DPYSL2: variants seen among roughly 807,000 people sequenced by gnomAD.
DPYSL2 encodes the protein dihydropyrimidinase like 2.
Under a neutral mutation model 69.9 loss-of-function variants are expected in DPYSL2, and 13 were observed. The observed-to-expected ratio is 0.19, with a 90% CI of 0.12 to 0.30. DPYSL2 has a LOEUF of 0.30. Among genes scored for constraint, DPYSL2 ranks in the 10% least tolerant of loss-of-function variants. The pLI, the probability that DPYSL2 is intolerant of heterozygous loss-of-function variation, is 1.00. For missense variants in DPYSL2, 587 were observed against 918.9 expected, an observed-to-expected ratio of 0.64 and a Z score of 4.67; for synonymous variants, 326 against 359.1, an observed-to-expected ratio of 0.91 and a Z score of 1.04.
In DPYSL2 at chr8:26,562,300, C is replaced by T. The variant is rs891768448; in HGVS notation, c.355-19669C>T. Among the ~76,000 whole-genome samples, 1 of 152,172 alleles carries T rather than the reference C, an allele frequency of 6.6e-6. No individual in the cohort carries two copies. The highest frequency in any genetic ancestry group is 2.4e-5 in the African/African-American group (1 of 41,444). On this transcript the variant is annotated intron_variant, in intron 1 of 13. Transcript: ENST00000521913. The surrounding 1 kb of genome is among the most constrained non-coding windows in gnomAD (Gnocchi z 4.9). Reference sequence around the variant, plus strand: ...GGATTAAATGTATTATGAGGCTTAACCAGAGTTAATACTTGCAAAGCACTG... The same window carrying T: ...GGATTAAATGTATTATGAGGCTTAATCAGAGTTAATACTTGCAAAGCACTG...
intron 7 of DPYSL2, among the ~76,000 whole-genome samples, chr8:26,630,657 A>G (rs1802750398): frequency 6.6e-6 from 1 of 152,134 alleles, no homozygotes; most frequent in Non-Finnish European, 1.5e-5. Context: ...AGGGAGCACC[A>G]TTTACATTCT....
intron 1 of DPYSL2, among the ~76,000 whole-genome samples, chr8:26,526,256 G>T (rs1458663086): frequency 1.3e-5 from 2 of 151,994 alleles, no homozygotes; most frequent in Non-Finnish European, 1.5e-5. Context: ...CACCATGCCC[G>T]GCTACTTTTT....
intron 7 of DPYSL2, among the ~76,000 whole-genome samples, chr8:26,628,740 G>C (rs1261125420): frequency 6.6e-6 from 1 of 152,178 alleles, no homozygotes; most frequent in African/African-American, 2.4e-5. Flanking sequence ...GACTGGCGCC[G>C]AGCAGTGGGG....
rs1464083269 is a variant in DPYSL2, at chr8:26,593,240, T to G, written c.628+9257T>G. Among the ~76,000 whole-genome samples the G allele has an allele frequency of 1.3e-5, 2 of 152,106 alleles. No individual in the cohort carries two copies. The highest frequency in any genetic ancestry group is 2.9e-5 in the Non-Finnish European group (2 of 68,022). On this transcript the variant is annotated intron_variant, in intron 3 of 13. Coordinates refer to ENST00000521913, the MANE Select transcript of DPYSL2 (RefSeq NM_001197293.3). The surrounding 1 kb of genome is among the most constrained non-coding windows in gnomAD (Gnocchi z 5.7). ...TTTTGCAATGAACTAGGGCAGTGGT[T>G]TAAAAACCTTGACTGCACATTAGAA...
At chr8:26,607,859 C>T (rs1802140563) in intron 3 of DPYSL2, among the ~76,000 whole-genome samples, 1 of 151,888 alleles carries the variant, frequency 6.6e-6, no homozygotes, top group Non-Finnish European at 1.5e-5. Context: ...GTGGGCGGAT[C>T]ACAAGGTCAG....
intron 1 of DPYSL2, among the ~76,000 whole-genome samples, chr8:26,525,300 A>C (rs1808458477): frequency 6.6e-6 from 1 of 152,158 alleles, no homozygotes; most frequent in African/African-American, 2.4e-5. Flanking sequence ...AGTTCACTGC[A>C]GCCTCGACCT....
chr8:26,558,149 A>G (rs1367584546), intron 1 of DPYSL2, among the ~76,000 whole-genome samples: 1 of 152,190 alleles, frequency 6.6e-6, no homozygotes, highest in Non-Finnish European at 1.5e-5. Flanking sequence ...AGAAATGTTT[A>G]TAGCAGCTTT....
At chr8:26,526,655 G>A (rs979885377) in intron 1 of DPYSL2, among the ~76,000 whole-genome samples, 67 of 152,198 alleles carry the variant, frequency 4.4e-4, no homozygotes, top group African/African-American at 1.5e-3. Context: ...GTTTGAAAGC[G>A]ATGCTCTCTA....
Position 26,587,554 on chromosome 8 carries a change from G to A in DPYSL2, c.628+3571G>A, listed in dbSNP as rs1377087962. Among the ~76,000 whole-genome samples, 1 of 152,124 alleles carries A rather than the reference G, an allele frequency of 6.6e-6. No individual in the cohort carries two copies. The highest frequency in any genetic ancestry group is 1.5e-5 in the Non-Finnish European group (1 of 68,034). ...GAGGAAAACACAGCCAAATATTCTC[G>A]GTTTAAAAAAGGAGATGGCATGTCA... On this transcript the variant is annotated intron_variant, in intron 3 of 13. Coordinates refer to ENST00000521913, the MANE Select transcript of DPYSL2 (RefSeq NM_001197293.3). This position sits in a 1 kb window ranked among gnomAD's most constrained non-coding sequence, Gnocchi z 4.2.
rs1801716576 is a variant in DPYSL2 at position 26,591,120 on chromosome 8, C to T, written c.628+7137C>T. ...CTTCCACCCCTTCAGGTGCCCTCAT[C>T]CCAGTTCCTACTCTGCCTATGGGTG... On this transcript the variant is annotated intron_variant, in intron 3 of 13. Coordinates refer to ENST00000521913, the MANE Select transcript of DPYSL2 (RefSeq NM_001197293.3). The surrounding 1 kb of genome is among the most constrained non-coding windows in gnomAD (Gnocchi z 5.8). Among the ~76,000 whole-genome samples the T allele has an allele frequency of 6.6e-6, 1 of 152,198 alleles. No individual in the cohort carries two copies. The highest frequency in any genetic ancestry group is 2.1e-4 in the South Asian group (1 of 4,830).
rs144913352 is a variant in DPYSL2 at position 26,623,856 on chromosome 8, G to A, written c.629-287G>A. 993 of 346,930 alleles carry A rather than the reference G, an allele frequency of 2.9e-3. 5 individuals carry two copies. The highest frequency in any genetic ancestry group is 0.02 in the African/African-American group (933 of 47,124). 21.5% of individuals were successfully genotyped at this position (346,930 alleles called of 1,614,324 possible). A position where few individuals can be genotyped will look rare whatever the true frequency, so the allele number is the denominator to read the frequency against. On this transcript the variant is annotated intron_variant, in intron 3 of 13. Coordinates refer to ENST00000521913, the MANE Select transcript of DPYSL2 (RefSeq NM_001197293.3). ...CATTGTCCATAAGGACTCGTTGTCC[G>A]TGAAATGCACCCAAAGCTTGAGCTT...
Position 26,514,765 on chromosome 8 carries a change from C to T in DPYSL2, c.354+86C>T, listed in dbSNP as rs1194735228. ...CCCCTGAGCCCGGCGCGCCCGCCTT[C>T]ATGCCCCGCCCTGGACCTCGCCTCC... On this transcript the variant is annotated intron_variant, in intron 1 of 13. Transcript: ENST00000521913. This position sits in a 1 kb window ranked among gnomAD's most constrained non-coding sequence, Gnocchi z 8.4. The T allele has an allele frequency of 1.7e-6, 2 of 1,208,512 alleles. No homozygotes were observed. The highest frequency in any genetic ancestry group is 3.2e-5 in the African/African-American group (2 of 62,082). The allele number at this position is 1,208,512 out of a possible 1,614,324, so 74.9% of individuals were successfully genotyped here.
At chr8:26,612,601 C>T (rs981714043) in intron 3 of DPYSL2, among the ~76,000 whole-genome samples, 1 of 152,208 alleles carries the variant, frequency 6.6e-6, no homozygotes, top group Non-Finnish European at 1.5e-5. Context: ...CCTGTAATCC[C>T]AGCACTTTGG....
intron 7 of DPYSL2, among the ~76,000 whole-genome samples, chr8:26,632,145 G>A (rs1053622877): frequency 3.3e-5 from 5 of 152,070 alleles, no homozygotes; most frequent in Admixed American, 6.5e-5. Flanking sequence ...ATTTTCCCTC[G>A]TTTTCCACCC....
At chr8:26,628,047 G>A in intron 7 of DPYSL2, 107 bp downstream of exon 7, 2 of 1,141,360 alleles carry the variant, frequency 1.8e-6, no homozygotes, top group Non-Finnish European at 2.5e-6. Flanking sequence ...CTCTGATGCT[G>A]ACTGTGGTCT....
chr8:26,519,452 T>C (rs1808350286), intron 1 of DPYSL2, among the ~76,000 whole-genome samples: 1 of 152,252 alleles, frequency 6.6e-6, no homozygotes, highest in Non-Finnish European at 1.5e-5. Context: ...TAAAGCCATG[T>C]GATTTATGTA....
chr8:26,527,089 T>C (rs1470459820), intron 1 of DPYSL2, among the ~76,000 whole-genome samples: 1 of 152,228 alleles, frequency 6.6e-6, no homozygotes, highest in African/African-American at 2.4e-5. Flanking sequence ...TTATTAAATA[T>C]GACTGGGGAG....
Position 26,588,463 on chromosome 8 carries a change from A to G in DPYSL2, c.628+4480A>G, listed in dbSNP as rs961486452. ...TCAGGGGTGCATGCCGGATCTGCAC[A>G]CTCTGGATCTCCAGGGCTTGGGAAC... On this transcript the variant is annotated intron_variant, in intron 3 of 13. Transcript: ENST00000521913. The surrounding 1 kb of genome is among the most constrained non-coding windows in gnomAD (Gnocchi z 5.4). 1.3e-5 allele frequency among the ~76,000 whole-genome samples: 2 copies of G among 151,918 alleles called. No homozygotes were observed. Among genetic ancestry groups the G allele is most frequent in the African/African-American group, 4.8e-5 (2 of 41,330 alleles).
At position 26,587,735 on chromosome 8, in the gene DPYSL2, A is replaced by G. The variant is rs947180048; in HGVS notation, c.628+3752A>G. 1.3e-5 allele frequency among the ~76,000 whole-genome samples: 2 copies of G among 152,200 alleles called. No homozygotes were observed. Among genetic ancestry groups the G allele is most frequent in the African/African-American group, 2.4e-5 (1 of 41,468 alleles). On this transcript the variant is annotated intron_variant, in intron 3 of 13. Coordinates refer to ENST00000521913, the MANE Select transcript of DPYSL2 (RefSeq NM_001197293.3). This position sits in a 1 kb window ranked among gnomAD's most constrained non-coding sequence, Gnocchi z 4.2. ...GGCAGAGACTGCAGACATACCCTGC[A>G]GGCGGCATCCAGACCGGCTGAGGGG...
Sources: gnomAD v4.1 joint callset for allele counts (sites outside exome capture counted in the v4.1 genomes callset) on GRCh38, gnomAD v4.1.1 for gene constraint, Gnocchi (gnomAD v3.1) non-coding constraint, MANE v1.5 for transcripts, NCBI Gene and HGNC (gene_info 2026-07-23, HGNC 2026-07-21) for gene names.